Variants in L3MBTL3 observed in about 807,000 individuals in gnomAD.
L3MBTL3 encodes lethal(3)malignant brain tumor-like protein 3.
L3MBTL3 carries 27 observed loss-of-function variants against 102.3 expected under a neutral mutation model. The ratio of observed to expected loss-of-function variants is 0.26; its 90% CI spans 0.19 to 0.36. The LOEUF (loss-of-function observed/expected upper bound fraction) is 0.36. L3MBTL3 is among the 10% of genes least tolerant of loss of function. The pLI, the probability that L3MBTL3 is intolerant of heterozygous loss-of-function variation, is 1.00. For synonymous variants in L3MBTL3, 340 were observed against 320.9 expected (o/e 1.06, Z -0.64); for missense variants, 798 against 955.3 (o/e 0.84, Z 2.17).
chr6:130,115,715 A>C (rs1300053880), intron 19 of L3MBTL3, among the ~76,000 whole-genome samples: 5 of 152,250 alleles, frequency 3.3e-5, no homozygotes, highest in Admixed American at 2.6e-4. Flanking sequence ...ATTCAAGTGG[A>C]TTCCACTGTC....
intron 2 of L3MBTL3, among the ~76,000 whole-genome samples, chr6:130,036,122 C>T (rs1780044235): frequency 6.6e-6 from 1 of 152,010 alleles, no homozygotes; most frequent in Non-Finnish European, 1.5e-5. Flanking sequence ...GTCTCAGGAA[C>T]ACGAATTGTT....
intron 13 of L3MBTL3, among the ~76,000 whole-genome samples, chr6:130,078,128 T>C (rs1442672407): frequency 6.6e-6 from 1 of 152,204 alleles, no homozygotes; most frequent in African/African-American, 2.4e-5. Flanking sequence ...AATAGCATGT[T>C]GGTTATTAAG....
intron 13 of L3MBTL3, among the ~76,000 whole-genome samples, chr6:130,075,903 C>T (rs1016999640): frequency 6.6e-6 from 1 of 152,204 alleles, no homozygotes; most frequent in Non-Finnish European, 1.5e-5. Context: ...TCACCTTTAT[C>T]TCTTCCAAGT....
chr6:130,029,978 C>T (rs1348453587), intron 2 of L3MBTL3, among the ~76,000 whole-genome samples: 2 of 152,100 alleles, frequency 1.3e-5, no homozygotes, highest in Admixed American at 1.3e-4. Flanking sequence ...CATGCACCAC[C>T]ACGCCCAACT....
At chr6:130,132,957 G>A (rs1220020435) in intron 20 of L3MBTL3, among the ~76,000 whole-genome samples, 1 of 151,254 alleles carries the variant, frequency 6.6e-6, no homozygotes, top group Admixed American at 6.6e-5. Context: ...TAAAAAATCA[G>A]TATGATTAGT....
intron 2 of L3MBTL3, among the ~76,000 whole-genome samples, chr6:130,024,923 A>G (rs951589924): frequency 9.2e-5 from 14 of 152,180 alleles, no homozygotes; most frequent in African/African-American, 3.4e-4. Context: ...TTCTGGGCTA[A>G]CTGATGCAGG....
chr6:130,058,496 T>C (rs1490897424), intron 9 of L3MBTL3, among the ~76,000 whole-genome samples: 1 of 150,074 alleles, frequency 6.7e-6, no homozygotes, highest in Admixed American at 6.6e-5. Context: ...AAATTAAAAA[T>C]ATAGCGGAGT....
chr6:130,134,945 A>G (rs1380640687), intron 22 of L3MBTL3, among the ~76,000 whole-genome samples: 6 of 151,184 alleles, frequency 4.0e-5, no homozygotes, highest in African/African-American at 1.2e-4. Flanking sequence ...TTTCTGATTT[A>G]TGTTCTTATT....
At chr6:130,052,233 AGTAG>A (rs1781149276) in intron 6 of L3MBTL3, among the ~76,000 whole-genome samples, 1 of 151,984 alleles carries the variant, frequency 6.6e-6, no homozygotes, top group African/African-American at 2.4e-5. Context: ...CAGCCTCCCG[AGTAG>A]CTGGGACTAC....
chr6:130,132,396 G>A (rs985724791), intron 20 of L3MBTL3, among the ~76,000 whole-genome samples: 1 of 152,212 alleles, frequency 6.6e-6, no homozygotes, highest in African/African-American at 2.4e-5. Context: ...CAGTCAGGGT[G>A]TTGGTTACAT....
Position 130,036,110 on chromosome 6 carries a change from G to A in L3MBTL3, c.-15-6575G>A, listed in dbSNP as rs1024270488. Reference sequence around the variant, plus strand: ...TTTCTAAGTACTGAAAAAATTTACCGAGTCTCAGGAACACGAATTGTTGAA... The same window carrying A: ...TTTCTAAGTACTGAAAAAATTTACCAAGTCTCAGGAACACGAATTGTTGAA... On this transcript the variant is annotated intron_variant, in intron 2 of 22. Coordinates refer to ENST00000361794, the MANE Select transcript of L3MBTL3 (RefSeq NM_032438.4). 3.9e-5 allele frequency among the ~76,000 whole-genome samples: 6 copies of A among 152,012 alleles called. No individual in the cohort carries two copies. In the East Asian group the frequency reaches 5.8e-4, roughly 15 times the overall value.
intron 3 of L3MBTL3, among the ~76,000 whole-genome samples, chr6:130,044,094 G>C (rs368791709): frequency 6.6e-6 from 1 of 152,152 alleles, no homozygotes; most frequent in South Asian, 2.1e-4. Context: ...ACAGAGAAAG[G>C]TTGCTGAACA....
In L3MBTL3 at chr6:130,113,054, ATAACT is replaced by A. The variant is rs546058813; in HGVS notation, c.1887-7821_1887-7817del. Among the ~76,000 whole-genome samples, 68 of 152,296 alleles carry A rather than the reference ATAACT, an allele frequency of 4.5e-4. No homozygotes were observed. In the East Asian group the frequency reaches 0.013, roughly 28 times the overall value. ...GTGGAGTAGCTTTTCCTGGGGACTGATAACTTAAATCTCTGCATATCTACAGCTGA... is the reference window on the plus strand; with the variant it reads ...GTGGAGTAGCTTTTCCTGGGGACTGATAAATCTCTGCATATCTACAGCTGA... On this transcript the variant is annotated intron_variant, in intron 19 of 22. Coordinates refer to ENST00000361794, the MANE Select transcript of L3MBTL3 (RefSeq NM_032438.4).
At chr6:130,030,312 C>T (rs1464970845) in intron 2 of L3MBTL3, among the ~76,000 whole-genome samples, 2 of 152,024 alleles carry the variant, frequency 1.3e-5, no homozygotes, top group Non-Finnish European at 2.9e-5. Flanking sequence ...GGAGCTAAAG[C>T]TCAAGAAAGG....
At chr6:130,036,585 A>AT (rs752508419) in intron 2 of L3MBTL3, among the ~76,000 whole-genome samples, 1 of 152,196 alleles carries the variant, frequency 6.6e-6, no homozygotes, top group Non-Finnish European at 1.5e-5. Flanking sequence ...TAGCTTTTAG[A>AT]TATCTGCTAC....
chr6:130,042,780 G>A lies in L3MBTL3; in HGVS notation c.81G>A (p.Thr27=), dbSNP rs762528427. The change falls in exon 3 of 23, where the codon ACG becomes ACA. Residue 27 remains threonine (T), a synonymous_variant. Coordinates refer to ENST00000361794, the MANE Select transcript of L3MBTL3 (RefSeq NM_032438.4). The part of the protein sequence containing the change: ...SVMDWKDGVG[T]LPGSDLKFRV... The stretch of plus-strand genomic sequence containing the variant: ...TGGACTGGAAAGATGGAGTGGGCAC[G>A]TTACCAGGAAGTGACTTAAAGGTAA... 5 of 1,612,536 alleles carry A rather than the reference G, an allele frequency of 3.1e-6. No individual in the cohort carries two copies. The highest frequency in any genetic ancestry group is 2.2e-5 in the East Asian group (1 of 44,840).
At chr6:130,095,004 C>G (rs541790570) in intron 18 of L3MBTL3, among the ~76,000 whole-genome samples, 4 of 151,966 alleles carry the variant, frequency 2.6e-5, no homozygotes, top group African/African-American at 9.7e-5. Flanking sequence ...GCCAGGAGTT[C>G]GAGATCAGCC....
At chr6:130,104,697 A>G in intron 19 of L3MBTL3, 122 bp downstream of exon 19, 1 of 640,824 alleles carries the variant, frequency 1.6e-6, no homozygotes, top group Non-Finnish European at 2.3e-6. Context: ...AATACACCTG[A>G]CTTAATGTGA....
intron 17 of L3MBTL3, among the ~76,000 whole-genome samples, chr6:130,093,337 C>T (rs1007838278): frequency 3.9e-5 from 6 of 152,002 alleles, no homozygotes; most frequent in South Asian, 2.1e-4. Context: ...AGAAAAGGTA[C>T]GTGGAGAACT....
Sources: gnomAD v4.1 joint callset for allele counts (sites outside exome capture counted in the v4.1 genomes callset) on GRCh38, gnomAD v4.1.1 for gene constraint, MANE v1.5 for transcripts, NCBI Gene and HGNC (gene_info 2026-07-23, HGNC 2026-07-21) for gene names.